The following CSMD1 variants were observed in gnomAD, a reference collection of about 807,000 sequenced individuals.
The protein encoded by CSMD1 is CUB and sushi domain-containing protein 1.
CSMD1 carries 213 observed loss-of-function variants against 417.5 expected under a neutral mutation model. The ratio of observed to expected loss-of-function variants is 0.51; its 90% confidence interval spans 0.46 to 0.57. The LOEUF (loss-of-function observed/expected upper bound fraction) is 0.57, where lower values mean the gene tolerates loss of function less well. Among genes scored for constraint, CSMD1 ranks in the 20% least tolerant of loss-of-function variants. The probability of loss-of-function intolerance (pLI) is 0.00; values close to 1 mark genes in which losing one functional copy is unlikely to be tolerated. For missense variants in CSMD1, 6,923 were observed against 4,529.7 expected, an observed-to-expected ratio of 1.53 and a Z score of -15.17; for synonymous variants, 2,862 against 1,736.8, an observed-to-expected ratio of 1.65 and a Z score of -16.11.
chr8:3,814,274 T>C (rs1307011465), intron 5 of CSMD1, among the ~76,000 whole-genome samples: 3 of 152,204 alleles, frequency 2.0e-5, no homozygotes, highest in Admixed American at 2.0e-4. Flanking sequence ...TCTGAAATTC[T>C]GTATCTGAAT....
chr8:3,059,319 T>C (rs1812438550), intron 49 of CSMD1, among the ~76,000 whole-genome samples: 1 of 150,840 alleles, frequency 6.6e-6, no homozygotes, highest in African/African-American at 2.4e-5. Context: ...AGGGCTTCTG[T>C]CTTTATAAGG....
At chr8:4,275,563 G>A (rs78486860) in intron 3 of CSMD1, among the ~76,000 whole-genome samples, 1 of 152,068 alleles carries the variant, frequency 6.6e-6, no homozygotes, top group Non-Finnish European at 1.5e-5. Flanking sequence ...ACTTCTGAGT[G>A]TTCCTAAAAT....
intron 3 of CSMD1, among the ~76,000 whole-genome samples, chr8:4,320,886 T>C (rs1474142133): frequency 6.6e-6 from 1 of 152,056 alleles, no homozygotes; most frequent in Non-Finnish European, 1.5e-5. Context: ...CACACTTATG[T>C]TTGTTTTGTT....
intron 1 of CSMD1, among the ~76,000 whole-genome samples, chr8:4,946,497 A>G (rs894021268): frequency 6.6e-6 from 1 of 152,100 alleles, no homozygotes; most frequent in African/African-American, 2.4e-5. Context: ...CCCAGGTACA[A>G]TATGACAGCC....
intron 3 of CSMD1, among the ~76,000 whole-genome samples, chr8:4,200,179 C>T (rs76991820): frequency 0.015 from 2,279 of 152,250 alleles, 48 homozygotes; most frequent in African/African-American, 0.051. Context: ...TTTTTAACTA[C>T]CTGGACAAAA....
chr8:3,733,746 G>C (rs916393568), intron 6 of CSMD1, among the ~76,000 whole-genome samples: 4 of 152,162 alleles, frequency 2.6e-5, no homozygotes, highest in Admixed American at 1.3e-4. Context: ...CTGTGTTCAA[G>C]TAACCCTTAT....
intron 5 of CSMD1, among the ~76,000 whole-genome samples, chr8:3,945,145 C>A (rs1013320188): frequency 2.7e-4 from 25 of 92,724 alleles, no homozygotes; most frequent in African/African-American, 8.2e-4. Context: ...ACAATTTGAA[C>A]AATGATTGCC....
intron 3 of CSMD1, among the ~76,000 whole-genome samples, chr8:4,254,091 G>C (rs1271994647): frequency 1.3e-5 from 2 of 151,510 alleles, no homozygotes; most frequent in East Asian, 3.9e-4. Flanking sequence ...TAATTTTTTT[G>C]TGTTTTTAGT....
intron 3 of CSMD1, among the ~76,000 whole-genome samples, chr8:4,095,814 T>C (rs1236699682): frequency 6.6e-6 from 1 of 152,242 alleles, no homozygotes; most frequent in Non-Finnish European, 1.5e-5. Flanking sequence ...TGCATGTTTA[T>C]TCATTTGTTT....
chr8:3,565,423 C>G (rs1799663820), intron 10 of CSMD1, among the ~76,000 whole-genome samples: 1 of 152,134 alleles, frequency 6.6e-6, no homozygotes, highest in Non-Finnish European at 1.5e-5. Context: ...GGTGGTGTGT[C>G]TAATCTCTAC....
intron 51 of CSMD1, among the ~76,000 whole-genome samples, chr8:3,022,364 ATCCGGAATGCACCCGCAATCCCACAG>A (rs1809508443): frequency 1.3e-5 from 2 of 151,736 alleles, no homozygotes; most frequent in African/African-American, 4.8e-5. Context: ...ATCCCACAGC[ATCCGGAATGCACCCGCAATCCCACAG>A]CGTCCGGAAT....
At chr8:3,322,747 C>G (rs539951286) in intron 23 of CSMD1, among the ~76,000 whole-genome samples, 1 of 152,302 alleles carries the variant, frequency 6.6e-6, no homozygotes, top group African/African-American at 2.4e-5. Flanking sequence ...GGGCATATCA[C>G]GAGTACCCGT....
At chr8:3,519,810 T>A (rs1384449909) in intron 10 of CSMD1, among the ~76,000 whole-genome samples, 1 of 146,910 alleles carries the variant, frequency 6.8e-6, no homozygotes, top group Non-Finnish European at 1.5e-5. Context: ...ACTGCTACAT[T>A]ACTGTTACCT....
At chr8:4,200,483 G>C (rs1390206614) in intron 3 of CSMD1, among the ~76,000 whole-genome samples, 1 of 152,144 alleles carries the variant, frequency 6.6e-6, no homozygotes. Context: ...TTGAATCTCA[G>C]AGATAATCAC....
intron 2 of CSMD1, among the ~76,000 whole-genome samples, chr8:4,580,618 C>A (rs1413148237): frequency 6.6e-6 from 1 of 152,260 alleles, no homozygotes; most frequent in Non-Finnish European, 1.5e-5. Flanking sequence ...CTCTCCCCTC[C>A]TTCTTCTTCG....
At chr8:3,163,272 T>A (rs1030224969) in intron 37 of CSMD1, among the ~76,000 whole-genome samples, 8 of 152,194 alleles carry the variant, frequency 5.3e-5, no homozygotes, top group Non-Finnish European at 7.4e-5. Context: ...AGCTTCACAT[T>A]CTTTATGGGG....
intron 3 of CSMD1, among the ~76,000 whole-genome samples, chr8:4,337,932 A>G (rs1800265046): frequency 6.6e-6 from 1 of 152,174 alleles, no homozygotes; most frequent in East Asian, 1.9e-4. Flanking sequence ...TTTATCATTT[A>G]ATGATATCGC....
At chr8:4,189,937 A>T (rs1010705648) in intron 3 of CSMD1, among the ~76,000 whole-genome samples, 15 of 151,794 alleles carry the variant, frequency 9.9e-5, no homozygotes, top group Non-Finnish European at 1.9e-4. Context: ...TTTTTTTCTA[A>T]AAAGCAGAGA....
intron 52 of CSMD1, among the ~76,000 whole-genome samples, chr8:3,013,339 C>A (rs1204850796): frequency 3.3e-5 from 5 of 152,174 alleles, no homozygotes; most frequent in Non-Finnish European, 7.4e-5. Flanking sequence ...AGGGCTGGCA[C>A]TGATATGGAA....
Sources: allele counts gnomAD v4.1 joint callset (sites outside exome capture counted in the v4.1 genomes callset), GRCh38; gene constraint gnomAD v4.1.1; transcripts MANE v1.5; gene names NCBI Gene and HGNC (gene_info 2026-07-23, HGNC 2026-07-21).